STIM1: variants seen among roughly 807,000 people sequenced by gnomAD.
STIM1 encodes the protein stromal interaction molecule 1.
A neutral mutation model predicts 74.7 loss-of-function variants in STIM1; 25 were observed. The ratio of observed to expected loss-of-function variants is 0.33; its 90% CI spans 0.24 to 0.47. The LOEUF is 0.47. STIM1 is among the 20% of genes least tolerant of loss of function. STIM1 has a pLI of 1.00. For synonymous variants in STIM1, 328 were observed against 348.8 expected (o/e 0.94, Z 0.66); for missense variants, 728 against 920.8 (o/e 0.79, Z 2.71).
chr11:3,877,154 G>A (rs1251538306), intron 1 of STIM1, among the ~76,000 whole-genome samples: 3 of 152,174 alleles, frequency 2.0e-5, no homozygotes, highest in Non-Finnish European at 4.4e-5. Context: ...TGTGATGGGA[G>A]TGCAGGGGAA....
chr11:4,012,382 T>C (rs1272225401), intron 2 of STIM1, among the ~76,000 whole-genome samples: 3 of 152,234 alleles, frequency 2.0e-5, no homozygotes, highest in Non-Finnish European at 4.4e-5. Flanking sequence ...CATTTGTTTG[T>C]GTCCTCTTTT....
intron 1 of STIM1, among the ~76,000 whole-genome samples, chr11:3,856,885 G>T (rs746068051): frequency 2.6e-5 from 4 of 152,142 alleles, no homozygotes; most frequent in Non-Finnish European, 5.9e-5. Context: ...TCCAACAACC[G>T]TGGGAACCCT....
At chr11:4,020,662 C>T (rs2093947145) in intron 2 of STIM1, among the ~76,000 whole-genome samples, 1 of 152,024 alleles carries the variant, frequency 6.6e-6, no homozygotes, top group African/African-American at 2.4e-5. Context: ...GATCACAACT[C>T]ACTACAACCT....
At chr11:4,034,307 T>C (rs944135888) in intron 3 of STIM1, among the ~76,000 whole-genome samples, 1 of 152,114 alleles carries the variant, frequency 6.6e-6, no homozygotes, top group Admixed American at 6.5e-5. Context: ...GTAGTGCCTC[T>C]CTACTCCTAG....
intron 1 of STIM1, among the ~76,000 whole-genome samples, chr11:3,907,872 C>T (rs930955348): frequency 6.6e-6 from 1 of 152,228 alleles, no homozygotes; most frequent in Admixed American, 6.5e-5. Flanking sequence ...ATTGGTTCTT[C>T]CTTCTTACTC....
chr11:4,034,097 C>G (rs188441011), intron 3 of STIM1, among the ~76,000 whole-genome samples: 1 of 151,526 alleles, frequency 6.6e-6, no homozygotes, highest in Non-Finnish European at 1.5e-5. Context: ...GTTGTGGTGG[C>G]GGGCGCCTGT....
chr11:3,948,436 G>C (rs1394109330), intron 1 of STIM1, among the ~76,000 whole-genome samples: 1 of 151,984 alleles, frequency 6.6e-6, no homozygotes, highest in African/African-American at 2.4e-5. Flanking sequence ...AGTTTTACTT[G>C]AATCTGTAGG....
chr11:4,081,660 G>C (rs994357012), intron 7 of STIM1, among the ~76,000 whole-genome samples: 1 of 152,252 alleles, frequency 6.6e-6, no homozygotes, highest in Non-Finnish European at 1.5e-5. Context: ...CTGATAGTTT[G>C]GATTTGCATG....
intron 2 of STIM1, among the ~76,000 whole-genome samples, chr11:4,009,599 A>G (rs974557830): frequency 2.6e-5 from 4 of 151,288 alleles, no homozygotes; most frequent in African/African-American, 9.7e-5. Context: ...ACAGAGTGAG[A>G]CTCCATCTCA....
At chr11:3,900,077 G>A (rs556441076) in intron 1 of STIM1, among the ~76,000 whole-genome samples, 2 of 152,266 alleles carry the variant, frequency 1.3e-5, no homozygotes, top group South Asian at 4.1e-4. Context: ...GATTGGAATA[G>A]TTTCAGAAGG....
intron 1 of STIM1, among the ~76,000 whole-genome samples, chr11:3,953,381 A>G (rs907876683): frequency 6.6e-6 from 1 of 152,198 alleles, no homozygotes; most frequent in Admixed American, 6.5e-5. Flanking sequence ...TTTGTCATTA[A>G]TAGACAAAAA....
chr11:4,085,308 T>C (rs2094487390), intron 11 of STIM1, among the ~76,000 whole-genome samples: 1 of 152,170 alleles, frequency 6.6e-6, no homozygotes, highest in Admixed American at 6.5e-5. Context: ...GCCCTTTCTC[T>C]CATCTTTAGG....
chr11:3,858,245 T>G (rs1401309685), intron 1 of STIM1, among the ~76,000 whole-genome samples: 113 of 131,788 alleles, frequency 8.6e-4, no homozygotes, highest in African/African-American at 2.8e-3. Flanking sequence ...TTTTTTTTTT[T>G]TGTTTTTTGT....
intron 1 of STIM1, among the ~76,000 whole-genome samples, chr11:3,917,890 G>T (rs1324566242): frequency 6.6e-6 from 1 of 152,190 alleles, no homozygotes; most frequent in Non-Finnish European, 1.5e-5. Context: ...CTCAGAAAAG[G>T]TTTGAGGCTT....
chr11:3,968,163 C>T (rs1186350709), intron 2 of STIM1, among the ~76,000 whole-genome samples: 1 of 152,140 alleles, frequency 6.6e-6, no homozygotes, highest in Non-Finnish European at 1.5e-5. Context: ...GAATTCCAGG[C>T]TGAAGTTTTT....
chr11:4,075,895 A>G (rs550927106), intron 7 of STIM1, among the ~76,000 whole-genome samples: 2 of 152,314 alleles, frequency 1.3e-5, no homozygotes, highest in East Asian at 3.9e-4. Flanking sequence ...TGGTAAATAT[A>G]TAGTAGTATC....
Position 3,965,772 on chromosome 11 carries a change from G to A in STIM1, c.140-1780G>A, listed in dbSNP as rs558431910. On this transcript the variant is annotated intron_variant, in intron 1 of 12. Coordinates refer to ENST00000526596, the MANE Select transcript of STIM1 (RefSeq NM_001382567.1). The stretch of plus-strand genomic sequence containing the variant: ...TGTAATCCCAGCACTTCGGGAGGCC[G>A]AGGTGGGCGGATCACTTGAGGTCAG... Among the ~76,000 whole-genome samples, 16 of 152,374 alleles carry A rather than the reference G, an allele frequency of 1.1e-4. No individual in the cohort carries two copies. The East Asian group carries it at 2.5e-3, about 24-fold the overall frequency.
At chr11:4,062,457 T>TA (rs913809779) in intron 5 of STIM1, among the ~76,000 whole-genome samples, 18 of 152,046 alleles carry the variant, frequency 1.2e-4, no homozygotes, top group Admixed American at 2.0e-4. Context: ...CTGTCTCTAC[T>TA]AAAAAAATAC....
At chr11:3,957,514 C>T (rs2093230590) in intron 1 of STIM1, among the ~76,000 whole-genome samples, 1 of 151,976 alleles carries the variant, frequency 6.6e-6, no homozygotes, top group Admixed American at 6.5e-5. Context: ...GCCTCAGCCT[C>T]CCAAAGTGCT....
Sources: gnomAD v4.1 joint callset for allele counts (sites outside exome capture counted in the v4.1 genomes callset) on GRCh38, gnomAD v4.1.1 for gene constraint, MANE v1.5 for transcripts, NCBI Gene and HGNC (gene_info 2026-07-23, HGNC 2026-07-21) for gene names.